TENM2: variants seen among roughly 807,000 people sequenced by gnomAD.
The protein encoded by TENM2 is teneurin transmembrane protein 2.
In TENM2, 52 loss-of-function variants were observed where a neutral mutation model predicts 245.2. The observed-to-expected ratio is 0.21, with a 90% confidence interval of 0.17 to 0.27. The LOEUF (loss-of-function observed/expected upper bound fraction) is 0.27. TENM2 is among the 10% of genes least tolerant of loss of function. TENM2 has a pLI of 1.00. For missense variants in TENM2, 3,046 were observed against 3,666.8 expected, an observed-to-expected ratio of 0.83 and a Z score of 4.37; for synonymous variants, 1,363 against 1,438.9, an observed-to-expected ratio of 0.95 and a Z score of 1.19.
intron 21 of TENM2, among the ~76,000 whole-genome samples, chr5:168,215,564 G>A (rs1478903126): frequency 1.3e-5 from 2 of 152,214 alleles, no homozygotes; most frequent in Non-Finnish European, 2.9e-5. Flanking sequence ...AGCTACTCAG[G>A]AGGCTGAGGC....
At chr5:168,162,842 C>T (rs1757871719) in intron 13 of TENM2, 85 bp downstream of exon 15, 19 of 1,466,914 alleles carry the variant, frequency 1.3e-5, no homozygotes, top group Non-Finnish European at 1.7e-5. Flanking sequence ...TTCGGAAAGA[C>T]CTCCCCTGCA....
chr5:167,445,892 C>T (rs924445761), intron 2 of TENM2, among the ~76,000 whole-genome samples: 1 of 152,136 alleles, frequency 6.6e-6, no homozygotes, highest in Non-Finnish European at 1.5e-5. Flanking sequence ...ACAGTCTGTT[C>T]AGTCTGGCCT....
At chr5:167,321,801 T>TTTTTTGTTTG (rs67957514) in intron 1 of TENM2, among the ~76,000 whole-genome samples, 1 of 7,282 alleles carries the variant, frequency 1.4e-4, no homozygotes, top group Non-Finnish European at 2.9e-4. Context: ...TTTTTTTTTT[T>TTTTTTGTTTG]GGGGGGGGGG....
At chr5:167,801,121 T>C (rs1331898093) in intron 2 of TENM2, among the ~76,000 whole-genome samples, 615 of 51,744 alleles carry the variant, frequency 0.012, 10 homozygotes, top group Middle Eastern at 0.02. Context: ...TATATATATA[T>C]ATATATATAT....
chr5:167,190,856 T>C, the TENM2 span, among the ~76,000 whole-genome samples: 2 of 152,144 alleles, frequency 1.3e-5, no homozygotes, highest in African/African-American at 4.8e-5. Context: ...TCTATTATTA[T>C]TCAAAGCTTG....
chr5:167,781,471 C>G (rs1764182625), intron 2 of TENM2, among the ~76,000 whole-genome samples: 2 of 152,150 alleles, frequency 1.3e-5, no homozygotes, highest in African/African-American at 2.4e-5. Flanking sequence ...AAGAAATAAG[C>G]TTATGATCCC....
chr5:167,517,789 C>T (rs572777636), intron 2 of TENM2, among the ~76,000 whole-genome samples: 2 of 152,242 alleles, frequency 1.3e-5, no homozygotes, highest in East Asian at 3.9e-4. Flanking sequence ...TTCAACCTAG[C>T]AGTCAACTGA....
At chr5:167,874,224 G>T (rs1026788929) in intron 2 of TENM2, among the ~76,000 whole-genome samples, 1 of 152,168 alleles carries the variant, frequency 6.6e-6, no homozygotes, top group Non-Finnish European at 1.5e-5. Flanking sequence ...GCACTGAAAT[G>T]ACACATTTAC....
intron 1 of TENM2, among the ~76,000 whole-genome samples, chr5:167,319,766 T>C (rs1219124321): frequency 6.6e-6 from 1 of 152,202 alleles, no homozygotes; most frequent in Admixed American, 6.5e-5. Flanking sequence ...TCTTTGAAAA[T>C]AGAATTACTT....
At chr5:167,770,095 A>T (rs1255966340) in intron 2 of TENM2, among the ~76,000 whole-genome samples, 4 of 152,124 alleles carry the variant, frequency 2.6e-5, no homozygotes, top group African/African-American at 7.2e-5. Flanking sequence ...GGATAGCACT[A>T]ATATTTGTTG....
intron 2 of TENM2, among the ~76,000 whole-genome samples, chr5:167,477,260 ATAGT>A: frequency 6.9e-6 from 1 of 145,084 alleles, no homozygotes; most frequent in East Asian, 2.1e-4. Flanking sequence ...TGAGTGAATA[ATAGT>A]AAAAAAAAAA....
At chr5:167,160,467 A>T in the TENM2 span, among the ~76,000 whole-genome samples, 497 of 152,286 alleles carry the variant, frequency 3.3e-3, 1 homozygote, top group African/African-American at 0.012. Flanking sequence ...AGTCTCTAAG[A>T]TTCATATTTT....
chr5:168,150,896 G>A (rs1476423772), intron 12 of TENM2, among the ~76,000 whole-genome samples: 2 of 152,130 alleles, frequency 1.3e-5, no homozygotes, highest in Non-Finnish European at 2.9e-5. Context: ...AGCTTTTTCA[G>A]CCACAAATGA....
intron 14 of TENM2, among the ~76,000 whole-genome samples, chr5:168,193,666 G>C (rs181796531): frequency 9.9e-4 from 151 of 152,284 alleles, no homozygotes; most frequent in Admixed American, 2.3e-3. Context: ...AAGGAAGGGT[G>C]GGGGGACTCC....
Position 168,000,796 on chromosome 5 carries a change from A to G in TENM2, c.1186+7614A>G, listed in dbSNP as rs568953366. ...ACAAAGGCCCTGTAATACAACACCA[A>G]TTATAAGGTGCATTCTGATTCCAGA... On this transcript the variant is annotated intron_variant, in intron 5 of 28. Coordinates refer to ENST00000518659, the Ensembl canonical transcript of TENM2. Among the ~76,000 whole-genome samples, 26 of 152,332 alleles carry G rather than the reference A, an allele frequency of 1.7e-4. No individual in the cohort carries two copies. In the South Asian group the frequency reaches 3.5e-3, roughly 21 times the overall value.
At chr5:167,292,697 A>G (rs1002052162) in intron 1 of TENM2, among the ~76,000 whole-genome samples, 4 of 152,264 alleles carry the variant, frequency 2.6e-5, no homozygotes, top group Admixed American at 2.0e-4. Context: ...AAAGGTAAAC[A>G]TGGTTTCTAA....
At chr5:167,129,042 C>T in the TENM2 span, among the ~76,000 whole-genome samples, 1 of 152,200 alleles carries the variant, frequency 6.6e-6, no homozygotes, top group Non-Finnish European at 1.5e-5. Flanking sequence ...AAGTCAGGAA[C>T]ACCTTCCCCA....
At chr5:167,414,708 A>G (rs1358234552) in intron 2 of TENM2, among the ~76,000 whole-genome samples, 1 of 152,104 alleles carries the variant, frequency 6.6e-6, no homozygotes, top group Admixed American at 6.6e-5. Flanking sequence ...TTAAAACACT[A>G]ACAGATGATT....
At chr5:167,566,208 A>G (rs1359999143) in intron 2 of TENM2, among the ~76,000 whole-genome samples, 3 of 151,878 alleles carry the variant, frequency 2.0e-5, no homozygotes, top group Non-Finnish European at 2.9e-5. Flanking sequence ...GAAAGAGTTA[A>G]ATAGGGGAGC....
Sources: gnomAD v4.1 joint callset for allele counts (sites outside exome capture counted in the v4.1 genomes callset) on GRCh38, gnomAD v4.1.1 for gene constraint, MANE v1.5 for transcripts, NCBI Gene and HGNC (gene_info 2026-07-23, HGNC 2026-07-21) for gene names.